Variants in CWF19L1 observed in about 807,000 individuals in gnomAD.
The protein encoded by CWF19L1 is CWF19 like cell cycle control factor 1, also known as CWF19-like protein 1.
Under a neutral mutation model 69.7 loss-of-function variants are expected in CWF19L1, and 60 were observed. That is an observed-to-expected ratio of 0.86 (90% confidence interval 0.70 to 1.07). The LOEUF (loss-of-function observed/expected upper bound fraction) is 1.07. Among genes scored for constraint, CWF19L1 ranks in the 50% least tolerant of loss-of-function variants. The pLI is 0.00. For missense variants in CWF19L1, 591 were observed against 638.9 expected (o/e 0.92, Z 0.81); for synonymous variants, 209 against 222.2 (o/e 0.94, Z 0.53).
intron 11 of CWF19L1, 96 bp from the exon 12 acceptor site, chr10:100,237,065 G>GTTTCTCCACCCCTGT: frequency 5.7e-6 from 8 of 1,395,176 alleles, no homozygotes; most frequent in Non-Finnish European, 7.9e-6. Context: ...TCACAGGGGT[G>GTTTCTCCACCCCTGT]GAGAAACACC....
At position 100,234,298 on chromosome 10, in the gene CWF19L1, AT is replaced by A. The variant is rs1279969163; in HGVS notation, c.1473-928del. ...TACCTTTCTTGTACAGCTGAAAAAA[AT>A]ATGCCATTTCAAATATTTTGTTAAC... On this transcript the variant is annotated intron_variant, in intron 13 of 13. Transcript: ENST00000354105. 2.6e-5 allele frequency among the ~76,000 whole-genome samples: 4 copies of A among 152,240 alleles called. No homozygotes were observed. The East Asian group carries it at 7.7e-4, about 29-fold the overall frequency.
intron 9 of CWF19L1, among the ~76,000 whole-genome samples, chr10:100,245,204 G>A (rs1443950394): frequency 6.6e-6 from 1 of 151,718 alleles, no homozygotes; most frequent in African/African-American, 2.4e-5. Flanking sequence ...TGTATTTTTA[G>A]TAGAGAAGGG....
At chr10:100,237,700 G>A (rs1846491606) in intron 11 of CWF19L1, among the ~76,000 whole-genome samples, 2 of 151,704 alleles carry the variant, frequency 1.3e-5, no homozygotes, top group African/African-American at 2.4e-5. Flanking sequence ...AGGCTGGAGT[G>A]CAGTGGCACA....
At chr10:100,262,181 T>C (rs1847425083) in intron 1 of CWF19L1, 118 bp from the exon 2 acceptor site, 1 of 1,417,658 alleles carries the variant, frequency 7.1e-7, no homozygotes, top group Non-Finnish European at 9.2e-7. Context: ...TGCAGTTACC[T>C]TGCAAGGTTC....
chr10:100,260,114 G>T (rs1847347992), intron 4 of CWF19L1, 104 bp downstream of exon 4: 1 of 673,080 alleles, frequency 1.5e-6, no homozygotes, highest in Non-Finnish European at 2.6e-6. Context: ...GTTACAGTGA[G>T]CCAAGATTGC....
chr10:100,245,907 A>T lies in CWF19L1; in HGVS notation c.856T>A (p.Ser286Thr). The T allele has an allele frequency of 6.2e-7, 1 of 1,612,934 alleles. No individual in the cohort carries two copies. The highest frequency in any genetic ancestry group is 8.5e-7 in the Non-Finnish European group (1 of 1,178,890). ...AAATCAAAGAAAAACTGACAGGCTG[A>T]TTCTTCCTGGAATGGCCAAAAGCAG... ...GKQILAPVEE[S>T]ACQFFFDLNE... The change falls in exon 9 of 14, where the codon TCA becomes ACA. Residue 286 changes from serine (S) to threonine (T), a missense_variant. Physicochemically the swap from Ser to Thr is moderately conservative, Grantham distance 58 (BLOSUM62 1). Transcript: ENST00000354105.
At position 100,261,716 on chromosome 10, in the gene CWF19L1, G is replaced by A. The variant is rs182974127; in HGVS notation, c.108+263C>T. On this transcript the variant is annotated intron_variant, in intron 2 of 13. Transcript: ENST00000354105. ...AACCCAGAGGTCAGAATCACTTAGG[G>A]AAGTGTTGCTAGTCTGTTTTCAGTT... Among the ~76,000 whole-genome samples, 4 of 152,292 alleles carry A rather than the reference G, an allele frequency of 2.6e-5. No individual in the cohort carries two copies. In the East Asian group the frequency reaches 5.8e-4, roughly 22 times the overall value.
chr10:100,253,650 G>A, intron 5 of CWF19L1, 111 bp from the exon 6 acceptor site: 1 of 663,906 alleles, frequency 1.5e-6, no homozygotes, highest in Non-Finnish European at 2.7e-6. Flanking sequence ...ATACAGATGT[G>A]GACAGAAGGA....
At chr10:100,252,296 G>A (rs756969932) in intron 6 of CWF19L1, among the ~76,000 whole-genome samples, 58 of 152,048 alleles carry the variant, frequency 3.8e-4, no homozygotes, top group Non-Finnish European at 4.7e-4. Flanking sequence ...TTAGCCAGGT[G>A]TGGTGGCGGT....
chr10:100,255,685 C>T (rs1264787449), intron 5 of CWF19L1, among the ~76,000 whole-genome samples: 1 of 151,738 alleles, frequency 6.6e-6, no homozygotes, highest in African/African-American at 2.4e-5. Context: ...ATTGCTTGAA[C>T]CCAGGAGGCA....
At chr10:100,257,205 T>C (rs1847240383) in intron 4 of CWF19L1, among the ~76,000 whole-genome samples, 2 of 150,534 alleles carry the variant, frequency 1.3e-5, no homozygotes, top group Admixed American at 6.6e-5. Flanking sequence ...ATCATCGCCA[T>C]CCAAAATGAA....
chr10:100,238,563 T>G (rs963997955), intron 10 of CWF19L1, among the ~76,000 whole-genome samples: 2 of 152,160 alleles, frequency 1.3e-5, no homozygotes, highest in African/African-American at 4.8e-5. Flanking sequence ...TTCCCTCCCA[T>G]GCTCCAAACT....
intron 6 of CWF19L1, among the ~76,000 whole-genome samples, chr10:100,251,009 C>T (rs1847010547): frequency 6.6e-6 from 1 of 150,520 alleles, no homozygotes; most frequent in Non-Finnish European, 1.5e-5. Context: ...ATTCACTTAA[C>T]ATAAAGTTTT....
At position 100,245,826 on chromosome 10, in the gene CWF19L1, GAGA is replaced by G. The variant is rs779118978; in HGVS notation, c.934_936del (p.Ser312del). On this transcript the variant is annotated inframe_deletion, in exon 9 of 14. Transcript: ENST00000354105. ...GGTTTGCGAGGCTGCTTTGGATGAG[GAGA>G]AGATTTGCTATCTCTACCTGTGGAT... 93 of 1,614,128 alleles carry G rather than the reference GAGA, an allele frequency of 5.8e-5. No homozygotes were observed. Among genetic ancestry groups the G allele is most frequent in the Admixed American group, 1.7e-4 (10 of 60,030 alleles).
intron 5 of CWF19L1, among the ~76,000 whole-genome samples, chr10:100,255,923 C>G (rs1315258155): frequency 6.6e-6 from 1 of 151,214 alleles, no homozygotes; most frequent in Non-Finnish European, 1.5e-5. Context: ...GAGTGAGACT[C>G]CATCTCAAAA....
rs542198108 is a variant in CWF19L1 at position 100,264,238 on chromosome 10, T to C, written c.24-2175A>G. 8.5e-5 allele frequency among the ~76,000 whole-genome samples: 13 copies of C among 152,316 alleles called. No individual in the cohort carries two copies. The East Asian group carries it at 2.3e-3, about 27-fold the overall frequency. ...TGATAATAAACAACTATGTTACTGGTTTATGTATAATATTTAGCATGCTAT... is the reference window on the plus strand; with the variant it reads ...TGATAATAAACAACTATGTTACTGGCTTATGTATAATATTTAGCATGCTAT... On this transcript the variant is annotated intron_variant, in intron 1 of 13. Coordinates refer to ENST00000354105, the MANE Select transcript of CWF19L1 (RefSeq NM_018294.6).
At chr10:100,243,848 A>G in intron 9 of CWF19L1, 71 bp from the exon 10 acceptor site, 1 of 1,252,744 alleles carries the variant, frequency 8.0e-7, no homozygotes, top group Non-Finnish European at 1.2e-6. Flanking sequence ...CACAGAACTC[A>G]GCTTTGTCTG....
chr10:100,251,369 G>T (rs1847022759), intron 6 of CWF19L1, among the ~76,000 whole-genome samples: 1 of 152,088 alleles, frequency 6.6e-6, no homozygotes, highest in Non-Finnish European at 1.5e-5. Context: ...CCACATCCTT[G>T]TCAACACTTG....
chr10:100,261,240 CT>C (rs1171235429), intron 2 of CWF19L1, among the ~76,000 whole-genome samples, 196 bp from the exon 3 acceptor site: 2 of 152,184 alleles, frequency 1.3e-5, no homozygotes, highest in Non-Finnish European at 2.9e-5. Context: ...AGTTTTGGCT[CT>C]TTGGCTGTCA....
Sources: allele counts gnomAD v4.1 joint callset (sites outside exome capture counted in the v4.1 genomes callset), GRCh38; gene constraint gnomAD v4.1.1; transcripts MANE v1.5; gene names NCBI Gene and HGNC (gene_info 2026-07-23, HGNC 2026-07-21).